Variants in LOXHD1 observed in about 807,000 individuals in gnomAD.
The protein encoded by LOXHD1 is lipoxygenase homology domain-containing protein 1.
In LOXHD1, 205 loss-of-function variants were observed where a neutral mutation model predicts 248.2. The observed-to-expected ratio is 0.83, with a 90% CI of 0.74 to 0.93. The LOEUF (loss-of-function observed/expected upper bound fraction) is 0.93, where lower values mean the gene tolerates loss of function less well. LOXHD1 is among the 40% of genes least tolerant of loss of function. LOXHD1 has a pLI of 0.00. For synonymous variants in LOXHD1, 1,113 were observed against 1,162.8 expected (o/e 0.96, Z 0.87); for missense variants, 2,930 against 2,971.6 (o/e 0.99, Z 0.33).
At chr18:46,519,431 C>G (rs928758384) in intron 33 of LOXHD1, among the ~76,000 whole-genome samples, 2 of 152,210 alleles carry the variant, frequency 1.3e-5, no homozygotes, top group African/African-American at 2.4e-5. Context: ...CTGGCAGCAT[C>G]TAGAATCTCT....
intron 2 of LOXHD1, 74 bp downstream of exon 2, chr18:46,649,081 C>T: frequency 7.9e-7 from 1 of 1,268,346 alleles, no homozygotes; most frequent in Non-Finnish European, 1.1e-6. Context: ...GAGAAGCAGG[C>T]CACCCTTGGG....
intron 18 of LOXHD1, among the ~76,000 whole-genome samples, chr18:46,562,258 A>T (rs905011247): frequency 1.1e-4 from 17 of 152,180 alleles, no homozygotes. Context: ...TTCAGCCAGG[A>T]CTGTCTTCCC....
intron 37 of LOXHD1, among the ~76,000 whole-genome samples, chr18:46,496,666 C>A (rs1226400162): frequency 6.6e-6 from 1 of 152,224 alleles, no homozygotes; most frequent in African/African-American, 2.4e-5. Flanking sequence ...GGACTTCTGT[C>A]TCCCTCCCCT....
chr18:46,563,742 T>G (rs1381214555), intron 17 of LOXHD1, among the ~76,000 whole-genome samples: 1 of 152,150 alleles, frequency 6.6e-6, no homozygotes, highest in Non-Finnish European at 1.5e-5. Flanking sequence ...CTAGTTTAAA[T>G]GAGACCCCCA....
Position 46,610,838 on chromosome 18 carries a change from G to C in LOXHD1, c.697C>G (p.Leu233Val), listed in dbSNP as rs951445440. The C allele has an allele frequency of 3.9e-6, 6 of 1,551,768 alleles. No homozygotes were observed. The African/African-American group carries it at 8.2e-5, about 21-fold the overall frequency. The change falls in exon 6 of 41, where the codon CTG (leucine) becomes GTG (valine). Residue 233 changes from leucine to valine, a missense_variant. Physicochemically the swap from Leu to Val is conservative, Grantham distance 32. Coordinates refer to ENST00000642948, the MANE Select transcript of LOXHD1 (RefSeq NM_001384474.1). Reference sequence around the variant, plus strand: ...TTGTGGCCAACATTGATCTTCATCAGCTGCCCCAAATCCGGGGCATCCAGG... The same window carrying C: ...TTGTGGCCAACATTGATCTTCATCACCTGCCCCAAATCCGGGGCATCCAGG... ...FILDAPDLGQLMKINVGHNNK... is the reference protein window; with the variant it reads ...FILDAPDLGQVMKINVGHNNK...
intron 34 of LOXHD1, among the ~76,000 whole-genome samples, chr18:46,515,949 G>A (rs554370412): frequency 1.3e-5 from 2 of 152,146 alleles, no homozygotes; most frequent in Admixed American, 6.5e-5. Context: ...ATGCAATCAC[G>A]TATGAAATCC....
intron 39 of LOXHD1, among the ~76,000 whole-genome samples, chr18:46,484,178 G>T (rs2032839953): frequency 6.6e-6 from 1 of 152,104 alleles, no homozygotes; most frequent in African/African-American, 2.4e-5. Context: ...TAATGGAGAA[G>T]GTATGGGTGC....
intron 4 of LOXHD1, among the ~76,000 whole-genome samples, chr18:46,632,620 C>T (rs927394695): frequency 7.2e-5 from 11 of 152,110 alleles, no homozygotes; most frequent in Admixed American, 1.3e-4. Context: ...CACACACATC[C>T]ATGACAACAG....
intron 2 of LOXHD1, among the ~76,000 whole-genome samples, chr18:46,643,727 G>C (rs1474467279): frequency 1.3e-5 from 2 of 152,122 alleles, no homozygotes; most frequent in South Asian, 2.1e-4. Context: ...ATAAGACAAG[G>C]CAAGTGATCT....
chr18:46,485,512 A>C (rs1188922754), intron 38 of LOXHD1, among the ~76,000 whole-genome samples: 1 of 152,008 alleles, frequency 6.6e-6, no homozygotes, highest in Non-Finnish European at 1.5e-5. Context: ...AGCAAAGGGG[A>C]AAGACCCAGG....
intron 5 of LOXHD1, among the ~76,000 whole-genome samples, chr18:46,616,286 A>T (rs618861): frequency 0.14 from 21,622 of 151,436 alleles, 1,561 homozygotes; most frequent in African/African-American, 0.19. Context: ...CAAATTATAC[A>T]TTTCTGTTTT....
chr18:46,529,152 G>A lies in LOXHD1; in HGVS notation c.4530+25C>T, dbSNP rs59252058. 597,830 of 1,550,312 alleles carry A rather than the reference G, an allele frequency of 0.39. 121,535 individuals are homozygous for A. Among genetic ancestry groups the A allele is most frequent in the East Asian group, 0.6 (24,456 of 40,854 alleles). On this transcript the variant is annotated intron_variant, in intron 29 of 40. Coordinates refer to ENST00000642948, the MANE Select transcript of LOXHD1 (RefSeq NM_001384474.1). ...CTGGGCCTGGAGAGGAGGGAAGGAG[G>A]GTAAACTCCGTGTGCCCCTCATACC...
chr18:46,514,756 C>A (rs1445201453), intron 34 of LOXHD1, among the ~76,000 whole-genome samples: 1 of 152,098 alleles, frequency 6.6e-6, no homozygotes, highest in African/African-American at 2.4e-5. Context: ...CAAAAAGGGA[C>A]CCAAAATCCT....
chr18:46,512,819 C>A (rs1193678122), intron 34 of LOXHD1, among the ~76,000 whole-genome samples: 3 of 152,248 alleles, frequency 2.0e-5, no homozygotes, highest in African/African-American at 7.2e-5. Context: ...CTGGATCTCT[C>A]TCTTCTCCAG....
At chr18:46,527,593 C>T (rs1049474455) in intron 29 of LOXHD1, among the ~76,000 whole-genome samples, 1 of 152,228 alleles carries the variant, frequency 6.6e-6, no homozygotes, top group Non-Finnish European at 1.5e-5. Flanking sequence ...TGACCTGCCC[C>T]TAGCATCTGG....
At chr18:46,533,099 G>T in intron 28 of LOXHD1, 63 bp downstream of exon 28, 1 of 1,520,558 alleles carries the variant, frequency 6.6e-7, no homozygotes, top group Non-Finnish European at 8.9e-7. Flanking sequence ...CAGGGCATGT[G>T]CTCAGGAGGA....
At chr18:46,651,267 C>T (rs2039107446) in intron 1 of LOXHD1, among the ~76,000 whole-genome samples, 1 of 152,078 alleles carries the variant, frequency 6.6e-6, no homozygotes, top group Admixed American at 6.6e-5. Flanking sequence ...CATCGAGGCA[C>T]CATTAGGGGG....
At chr18:46,486,828 G>T (rs1298132935) in intron 38 of LOXHD1, among the ~76,000 whole-genome samples, 3 of 152,216 alleles carry the variant, frequency 2.0e-5, no homozygotes, top group Non-Finnish European at 4.4e-5. Flanking sequence ...GGATAAGGTA[G>T]AGAAGCAAGG....
At chr18:46,615,575 G>T (rs1216381757) in intron 5 of LOXHD1, among the ~76,000 whole-genome samples, 1 of 152,102 alleles carries the variant, frequency 6.6e-6, no homozygotes, top group Non-Finnish European at 1.5e-5. Context: ...AAAGAATGTT[G>T]TCCCTATATT....
Sources: allele counts gnomAD v4.1 joint callset (sites outside exome capture counted in the v4.1 genomes callset), GRCh38; gene constraint gnomAD v4.1.1; transcripts MANE v1.5; gene names NCBI Gene and HGNC (gene_info 2026-07-23, HGNC 2026-07-21).